The following F11 variants were observed in gnomAD, a reference collection of about 807,000 sequenced individuals.
F11 encodes the protein coagualtion factor XI.
F11 carries 78 observed loss-of-function variants against 76.5 expected under a neutral mutation model. That is an observed-to-expected ratio of 1.02 (90% CI 0.85 to 1.23). F11 has a LOEUF of 1.23. Among genes scored for constraint, F11 ranks in the 50% most tolerant of loss-of-function variants. The probability of loss-of-function intolerance (pLI) is 0.00; values close to 1 mark genes in which losing one functional copy is unlikely to be tolerated. For missense variants in F11, 742 were observed against 771.4 expected (o/e 0.96, Z 0.45); for synonymous variants, 278 against 276.3 (o/e 1.01, Z -0.06).
intron 10 of F11, chr4:186,282,437 A>G (rs1160001919): frequency 5.1e-6 from 5 of 985,302 alleles, no homozygotes; most frequent in African/African-American, 1.7e-5. Flanking sequence ...GCTGCGTGAG[A>G]TATTTATGGT....
intron 7 of F11, among the ~76,000 whole-genome samples, chr4:186,277,414 T>A (rs1202331650): frequency 2.0e-5 from 3 of 152,188 alleles, no homozygotes. Context: ...TTCTTTCTTT[T>A]CCTTTGGCTA....
At chr4:186,281,976 ACTT>A (rs1740844563) in intron 10 of F11, 2 of 1,266,806 alleles carry the variant, frequency 1.6e-6, no homozygotes, top group African/African-American at 3.1e-5. Context: ...ATGGCTCAAG[ACTT>A]CTTAAAAAGC....
chr4:186,266,766 A>G (rs573949569), intron 1 of F11, among the ~76,000 whole-genome samples: 22 of 152,346 alleles, frequency 1.4e-4, no homozygotes, highest in Non-Finnish European at 2.8e-4. Context: ...GAAAGAAAGA[A>G]AGGAAAAAAA....
Position 186,287,654 on chromosome 4 carries a change from C to T in F11, c.1577-30C>T, listed in dbSNP as rs1345438156. On this transcript the variant is annotated intron_variant, in intron 13 of 14. Coordinates refer to ENST00000403665, the MANE Select transcript of F11 (RefSeq NM_000128.4). Reference sequence around the variant, plus strand: ...TTTATGTGTATTGTGTATGGTTATTCTACAAACGAACCAAAAAAATTTTTT... The same window carrying T: ...TTTATGTGTATTGTGTATGGTTATTTTACAAACGAACCAAAAAAATTTTTT... 5 of 1,566,438 alleles carry T rather than the reference C, an allele frequency of 3.2e-6. No individual in the cohort carries two copies. The South Asian group carries it at 4.5e-5, about 14-fold the overall frequency.
At chr4:186,288,351 C>T (rs1741369837) in intron 14 of F11, 102 bp from the exon 15 acceptor site, 2 of 1,463,806 alleles carry the variant, frequency 1.4e-6, no homozygotes, top group Non-Finnish European at 1.9e-6. Context: ...TATTAAGGGG[C>T]CAAGACAACA....
chr4:186,267,230 G>A (rs1443061329), intron 2 of F11, 39 bp downstream of exon 2: 1 of 1,162,522 alleles, frequency 8.6e-7, no homozygotes. Context: ...CTGGGAGAGG[G>A]AAATCACACT....
chr4:186,280,805 A>ATGCTTTAAT (rs1740740302), intron 10 of F11, among the ~76,000 whole-genome samples: 2 of 149,804 alleles, frequency 1.3e-5, no homozygotes, highest in Admixed American at 1.3e-4. Flanking sequence ...AACTAAATAT[A>ATGCTTTAAT]TGCTTTAATT....
chr4:186,274,462 G>C, intron 5 of F11, 187 bp downstream of exon 5: 1 of 684,038 alleles, frequency 1.5e-6, no homozygotes, highest in Non-Finnish European at 2.5e-6. Flanking sequence ...TTCATTTATG[G>C]TAAGGAGTCT....
chr4:186,286,072 T>C (rs1337951137), intron 12 of F11: 1 of 560,098 alleles, frequency 1.8e-6, no homozygotes, highest in Admixed American at 3.1e-5. Context: ...AATTTCATAA[T>C]ACTTTGGAAT....
At chr4:186,274,481 A>T in intron 5 of F11, 1 of 627,260 alleles carries the variant, frequency 1.6e-6, no homozygotes, top group Non-Finnish European at 2.7e-6. Context: ...CTATCTTTTA[A>T]TAACACTGTC....
intron 7 of F11, among the ~76,000 whole-genome samples, chr4:186,277,984 A>C (rs1248750901): frequency 6.6e-6 from 1 of 152,058 alleles, no homozygotes; most frequent in African/African-American, 2.4e-5. Flanking sequence ...TTTTTTGTAG[A>C]GACAGAGTTT....
At chr4:186,289,773 C>T (rs1330394523), downstream of F11, among the ~76,000 whole-genome samples, 1 of 149,592 alleles carries the variant, frequency 6.7e-6, no homozygotes, top group African/African-American at 2.5e-5. Context: ...AACTCTACCT[C>T]CTGGATTCAA....
At position 186,266,251 on chromosome 4, in the gene F11, C is replaced by T. The variant is rs1739491554; in HGVS notation, c.-46C>T. Reference sequence around the variant, plus strand: ...AGACCATTTTGGAGGAAGAAAAGCACCCTTATTAAGAATTGCAGCAAGTAA... The same window carrying T: ...AGACCATTTTGGAGGAAGAAAAGCATCCTTATTAAGAATTGCAGCAAGTAA... On this transcript the variant is annotated 5_prime_UTR_variant, in exon 1 of 15. Coordinates refer to ENST00000403665, the MANE Select transcript of F11 (RefSeq NM_000128.4). 6.6e-6 allele frequency: 1 copy of T among 152,172 alleles called. No individual in the cohort carries two copies. The highest frequency in any genetic ancestry group is 1.5e-5 in the Non-Finnish European group (1 of 68,038). The allele number at this position is 152,172 out of a possible 1,614,324, so 9.4% of individuals were successfully genotyped here.
In F11 at chr4:186,267,102, T is replaced by C. The variant is rs373349449; in HGVS notation, c.-1-34T>C. On this transcript the variant is annotated intron_variant, in intron 1 of 14. Coordinates refer to ENST00000403665, the MANE Select transcript of F11 (RefSeq NM_000128.4). ...AAACTAATTATAAATTTACATTTTA[T>C]GTTCTAAAAGCATGCACCTTTTTCT... 2.0e-5 allele frequency: 28 copies of C among 1,383,718 alleles called. No individual in the cohort carries two copies. In the African/African-American group the frequency reaches 3.4e-4, roughly 17 times the overall value. 85.7% of individuals were successfully genotyped at this position (1,383,718 alleles called of 1,614,324 possible).
chr4:186,282,330 AC>A, intron 10 of F11: 1 of 985,430 alleles, frequency 1.0e-6, no homozygotes, highest in Non-Finnish European at 1.2e-6. Context: ...ATAAAGTCTT[AC>A]GTCTTTTCAG....
rs765674340 is a variant in F11 at position 186,288,580 on chromosome 4, T to G, written c.1844T>G (p.Val615Gly). Residue 615 changes from valine to glycine, a missense_variant, in exon 15 of 15, where the codon GTG becomes GGG. Transcript: ENST00000403665. ...PGVYTNVVEY[V>G]DWILEKTQAV ...GTTTACACCAACGTGGTCGAGTACGTGGACTGGATTCTGGAGAAAACTCAA... is the reference window on the plus strand; with the variant it reads ...GTTTACACCAACGTGGTCGAGTACGGGGACTGGATTCTGGAGAAAACTCAA... The G allele has an allele frequency of 3.1e-6, 5 of 1,614,058 alleles. No homozygotes were observed. In the African/African-American group the frequency reaches 4.0e-5, roughly 13 times the overall value.
intron 2 of F11, 118 bp downstream of exon 2, chr4:186,267,309 A>G: frequency 1.3e-6 from 1 of 793,242 alleles, no homozygotes; most frequent in South Asian, 1.4e-5. Flanking sequence ...GTTTTTATTA[A>G]CTTCCTGCCT....
rs772352817 is a variant in F11 at position 186,276,256 on chromosome 4, T to C, written c.621T>C (p.Asn207=). The C allele has an allele frequency of 1.1e-5, 17 of 1,614,072 alleles. No homozygotes were observed. Among genetic ancestry groups the C allele is most frequent in the Non-Finnish European group, 1.4e-5 (17 of 1,180,042 alleles). Residue 207 remains asparagine, a synonymous_variant, in exon 7 of 15, where the codon AAT becomes AAC. Coordinates refer to ENST00000403665, the MANE Select transcript of F11 (RefSeq NM_000128.4). Reference sequence around the variant, plus strand: ...CTTGTATTAGGGACATTTTCCCTAATACGGTGTTTGCAGACAGCAACATCG... The same window carrying C: ...CTTGTATTAGGGACATTTTCCCTAACACGGTGTTTGCAGACAGCAACATCG... ...NLACIRDIFP[N]TVFADSNIDS... is the part of the protein sequence containing the mutation.
Position 186,267,190 on chromosome 4 carries a change from TG to T in F11, c.55+1del, listed in dbSNP as rs1191677538. The T allele has an allele frequency of 6.5e-7, 1 of 1,550,230 alleles. No homozygotes were observed. The highest frequency in any genetic ancestry group is 8.9e-7 in the Non-Finnish European group (1 of 1,121,864). On this transcript the variant is annotated frameshift_variant and splice_region_variant, in exon 2 of 15. Transcript: ENST00000403665. LOFTEE classifies it high-confidence loss of function. ...HFILFTSVSG[E>X]CVTQLLKDTC... Reference sequence around the variant, plus strand: ...TCATTTTATTTACTTCAGTTTCTGGTGGTAAGTAGAGTGTTATCTTAACTAT... The same window carrying T: ...TCATTTTATTTACTTCAGTTTCTGGTGTAAGTAGAGTGTTATCTTAACTAT...
Sources: allele counts gnomAD v4.1 joint callset (sites outside exome capture counted in the v4.1 genomes callset), GRCh38; gene constraint gnomAD v4.1.1; transcripts MANE v1.5; gene names NCBI Gene and HGNC (gene_info 2026-07-23, HGNC 2026-07-21).